LRRC8D: variants seen among roughly 807,000 people sequenced by gnomAD.
The protein encoded by LRRC8D is leucine rich repeat containing 8 VRAC subunit D.
A neutral mutation model predicts 55.8 loss-of-function variants in LRRC8D; 20 were observed. The ratio of observed to expected loss-of-function variants is 0.36; its 90% CI spans 0.25 to 0.52. The LOEUF is 0.52. LRRC8D is among the 20% of genes least tolerant of loss of function. The pLI is 0.93. For synonymous variants in LRRC8D, 352 were observed against 377.0 expected (o/e 0.93, Z 0.77); for missense variants, 651 against 1,030.8 (o/e 0.63, Z 5.05).
At chr1:89,831,051 A>G (rs1016100319) in intron 1 of LRRC8D, among the ~76,000 whole-genome samples, 7 of 151,856 alleles carry the variant, frequency 4.6e-5, no homozygotes, top group African/African-American at 1.5e-4. Context: ...GATTACAGGT[A>G]CGCACCACCA....
At chr1:89,821,591 C>A (rs992289965) in intron 1 of LRRC8D, among the ~76,000 whole-genome samples, 1 of 152,170 alleles carries the variant, frequency 6.6e-6, no homozygotes, top group African/African-American at 2.4e-5. Context: ...TTCCTGGCTC[C>A]TGAACCCCTC....
At chr1:89,921,274 G>A (rs976214668) in intron 2 of LRRC8D, among the ~76,000 whole-genome samples, 12 of 152,094 alleles carry the variant, frequency 7.9e-5, no homozygotes, top group Non-Finnish European at 1.8e-4. Flanking sequence ...GGAGGTCAAG[G>A]CTGCAGTGAG....
chr1:89,921,330 C>T (rs1197296708), intron 2 of LRRC8D, among the ~76,000 whole-genome samples: 1 of 151,922 alleles, frequency 6.6e-6, no homozygotes, highest in Non-Finnish European at 1.5e-5. Context: ...TGGAGTGAGA[C>T]CCTATTTCAA....
chr1:89,850,168 A>G (rs765416022), intron 2 of LRRC8D, among the ~76,000 whole-genome samples: 1 of 152,178 alleles, frequency 6.6e-6, no homozygotes, highest in Non-Finnish European at 1.5e-5. Flanking sequence ...TTTTGGTGCT[A>G]CCCCTAGGAT....
At chr1:89,871,120 A>G (rs1661996237) in intron 2 of LRRC8D, among the ~76,000 whole-genome samples, 2 of 152,206 alleles carry the variant, frequency 1.3e-5, no homozygotes, top group Admixed American at 1.3e-4. Context: ...ACAGCAAAAT[A>G]CTAGTGAGGA....
chr1:89,897,887 G>A (rs1489362120), intron 2 of LRRC8D, among the ~76,000 whole-genome samples: 2 of 152,150 alleles, frequency 1.3e-5, no homozygotes, highest in African/African-American at 4.8e-5. Flanking sequence ...AGTGGAGGTA[G>A]AGGCTGGGAC....
Position 89,824,286 on chromosome 1 carries a change from C to T in LRRC8D, c.-148+2995C>T, listed in dbSNP as rs141248475. Among the ~76,000 whole-genome samples the T allele has an allele frequency of 3.5e-3, 533 of 152,188 alleles. 1 individual carries two copies. Among genetic ancestry groups the T allele is most frequent in the African/African-American group, 0.011 (462 of 41,492 alleles). On this transcript the variant is annotated intron_variant, in intron 1 of 2. Transcript: ENST00000337338. ...GAGTAATAACATTGAGCTTAGGAAG[C>T]TGATGTAGGAGACTTGTGCTCAGGT...
intron 2 of LRRC8D, among the ~76,000 whole-genome samples, chr1:89,859,453 A>G (rs1355081708): frequency 2.6e-5 from 4 of 152,170 alleles, no homozygotes; most frequent in East Asian, 3.8e-4. Flanking sequence ...AATTGTTGTT[A>G]TAACATTTAT....
intron 2 of LRRC8D, among the ~76,000 whole-genome samples, chr1:89,932,633 A>G: frequency 6.6e-6 from 1 of 152,244 alleles, no homozygotes; most frequent in East Asian, 1.9e-4. Flanking sequence ...TAAGTCTGGA[A>G]CATAAGACTA....
intron 1 of LRRC8D, among the ~76,000 whole-genome samples, chr1:89,823,525 T>C (rs188809683): frequency 6.6e-6 from 1 of 152,348 alleles, no homozygotes; most frequent in East Asian, 1.9e-4. Flanking sequence ...GTAGACAAAA[T>C]AGCTATTAAA....
intron 2 of LRRC8D, among the ~76,000 whole-genome samples, chr1:89,847,019 C>T (rs933943497): frequency 6.6e-6 from 1 of 152,132 alleles, no homozygotes; most frequent in Non-Finnish European, 1.5e-5. Flanking sequence ...CACAGTAATC[C>T]ACTGAGAGGC....
rs1487555919 is a variant in LRRC8D at position 89,935,373 on chromosome 1, A to C, written c.2305A>C (p.Lys769Gln). 6.2e-7 allele frequency: 1 copy of C among 1,614,224 alleles called. No homozygotes were observed. The highest frequency in any genetic ancestry group is 1.1e-5 in the South Asian group (1 of 91,090). ...ITGNKVDILPKQLFKCIKLRT... is the reference protein window; with the variant it reads ...ITGNKVDILPQQLFKCIKLRT... ...TGGGAACAAAGTGGACATTCTGCCA[A>C]AACAATTGTTTAAATGCATAAAGTT... The change falls in exon 3 of 3, where the codon AAA becomes CAA. Residue 769 changes from lysine (K) to glutamine (Q), a missense_variant. Transcript: ENST00000337338.
At chr1:89,841,018 C>T (rs1661118263) in intron 1 of LRRC8D, among the ~76,000 whole-genome samples, 1 of 152,230 alleles carries the variant, frequency 6.6e-6, no homozygotes, top group Non-Finnish European at 1.5e-5. Context: ...CACATCCCCA[C>T]TCCCCACACT....
chr1:89,851,482 T>G (rs974153410), intron 2 of LRRC8D, among the ~76,000 whole-genome samples: 1 of 152,078 alleles, frequency 6.6e-6, no homozygotes, highest in Non-Finnish European at 1.5e-5. Context: ...CTCTGCAGAG[T>G]ACAATGTATT....
rs114398793 is a variant in LRRC8D, at chr1:89,885,232, A to G, written c.-3+41450A>G. ...TCAGTACGAATTTTTGGCTTCATCCAGGGATCTTAACCTTAGACATAGAAT... is the reference window on the plus strand; with the variant it reads ...TCAGTACGAATTTTTGGCTTCATCCGGGGATCTTAACCTTAGACATAGAAT... On this transcript the variant is annotated intron_variant, in intron 2 of 2. Transcript: ENST00000337338. 9.5e-3 allele frequency among the ~76,000 whole-genome samples: 1,442 copies of G among 152,300 alleles called. 22 individuals are homozygous for G. The highest frequency in any genetic ancestry group is 0.034 in the African/African-American group (1,398 of 41,562).
intron 2 of LRRC8D, among the ~76,000 whole-genome samples, chr1:89,879,708 A>G (rs576640984): frequency 6.6e-6 from 1 of 152,288 alleles, no homozygotes; most frequent in African/African-American, 2.4e-5. Flanking sequence ...CTTCCCTACA[A>G]ATTTATTTTA....
At chr1:89,913,823 T>C (rs182070232) in intron 2 of LRRC8D, among the ~76,000 whole-genome samples, 19 of 152,350 alleles carry the variant, frequency 1.2e-4, no homozygotes, top group African/African-American at 4.6e-4. Flanking sequence ...ATTTCCTGGC[T>C]GATGTCCCCT....
intron 2 of LRRC8D, among the ~76,000 whole-genome samples, chr1:89,907,983 T>C (rs757115581): frequency 6.6e-6 from 1 of 152,220 alleles, no homozygotes; most frequent in Non-Finnish European, 1.5e-5. Flanking sequence ...GCCATGTACT[T>C]ACCACTCGTA....
At chr1:89,822,028 G>C (rs1319905002) in intron 1 of LRRC8D, 1 of 152,534 alleles carries the variant, frequency 6.6e-6, no homozygotes, top group Non-Finnish European at 1.5e-5. Context: ...TGGTTGCCGG[G>C]AGGACCAGCA....
Sources: allele counts gnomAD v4.1 joint callset (sites outside exome capture counted in the v4.1 genomes callset), GRCh38; gene constraint gnomAD v4.1.1; transcripts MANE v1.5; gene names NCBI Gene and HGNC (gene_info 2026-07-23, HGNC 2026-07-21).